Variants in NR6A1 observed in about 807,000 individuals in gnomAD.
NR6A1 encodes the protein nuclear receptor subfamily 6 group A member 1.
Under a neutral mutation model 59.1 loss-of-function variants are expected in NR6A1, and 7 were observed. That is an observed-to-expected ratio of 0.12 (90% CI 0.07 to 0.22). The LOEUF is 0.22. Among genes scored for constraint, NR6A1 ranks in the 10% least tolerant of loss-of-function variants. NR6A1 has a pLI of 1.00. For synonymous variants in NR6A1, 243 were observed against 236.1 expected, an observed-to-expected ratio of 1.03 and a Z score of -0.27; for missense variants, 468 against 611.6, an observed-to-expected ratio of 0.77 and a Z score of 2.48.
intron 2 of NR6A1, among the ~76,000 whole-genome samples, chr9:124,656,106 T>C (rs2130930346): frequency 6.6e-6 from 1 of 152,252 alleles, no homozygotes; most frequent in African/African-American, 2.4e-5. Flanking sequence ...TATAACTCCC[T>C]GCAAAAGCTG....
At chr9:124,721,253 C>A (rs1839554590) in intron 2 of NR6A1, among the ~76,000 whole-genome samples, 1 of 152,196 alleles carries the variant, frequency 6.6e-6, no homozygotes, top group Admixed American at 6.5e-5. Flanking sequence ...GTGCTAAACT[C>A]TCGGCTCCAT....
chr9:124,658,261 G>C (rs757056593), intron 2 of NR6A1, among the ~76,000 whole-genome samples: 1 of 152,038 alleles, frequency 6.6e-6, no homozygotes, highest in African/African-American at 2.4e-5. Context: ...CCTGAATTAC[G>C]GCCTCTGAAT....
rs773291506 is a variant in NR6A1, at chr9:124,520,794, C to A, written c.*1911G>T. The A allele has an allele frequency of 6.6e-6, 1 of 152,184 alleles. No individual in the cohort carries two copies. The highest frequency in any genetic ancestry group is 2.1e-4 in the South Asian group (1 of 4,830). The allele number at this position is 152,184 out of a possible 1,614,324, so 9.4% of individuals were successfully genotyped here. A position where few individuals can be genotyped will look rare whatever the true frequency, so the allele number is the denominator to read the frequency against. ...AAATAAACAGATACACACGAACACA[C>A]AAGAATCTTCCCACTGACGTGAAAA... is the stretch of plus-strand genomic sequence containing the variant. On this transcript the variant is annotated 3_prime_UTR_variant, in exon 10 of 10. Transcript: ENST00000487099.
At chr9:124,599,437 G>A (rs1835383472) in intron 2 of NR6A1, 2 of 382,738 alleles carry the variant, frequency 5.2e-6, no homozygotes, top group South Asian at 2.1e-5. Context: ...AAAAAAAAAA[G>A]TTCCTCTTCA....
intron 1 of NR6A1, among the ~76,000 whole-genome samples, chr9:124,745,651 A>G (rs1479445685): frequency 6.7e-6 from 1 of 149,956 alleles, no homozygotes; most frequent in East Asian, 2.0e-4. Context: ...AGCCTGGGCA[A>G]CAAGAGTGAA....
At position 124,567,686 on chromosome 9, in the gene NR6A1, G is replaced by C. The variant is rs185601990; in HGVS notation, c.143-13116C>G. On this transcript the variant is annotated intron_variant, in intron 2 of 9. Coordinates refer to ENST00000487099, the MANE Select transcript of NR6A1 (RefSeq NM_033334.4). The stretch of plus-strand genomic sequence containing the variant: ...TATTGAGAACCACTTTGGTGAACTA[G>C]TTAGGACAAAAACCATACTGACTTA... 9.9e-5 allele frequency among the ~76,000 whole-genome samples: 15 copies of C among 152,262 alleles called. No homozygotes were observed. The East Asian group carries it at 2.9e-3, about 29-fold the overall frequency.
chr9:124,697,982 G>C (rs1431742071), intron 2 of NR6A1, among the ~76,000 whole-genome samples: 1 of 152,216 alleles, frequency 6.6e-6, no homozygotes, highest in Non-Finnish European at 1.5e-5. Flanking sequence ...TAGTGTATGT[G>C]CATGTGTTGT....
chr9:124,700,127 G>C (rs1437660106), intron 2 of NR6A1, among the ~76,000 whole-genome samples: 4 of 152,036 alleles, frequency 2.6e-5, no homozygotes, highest in Non-Finnish European at 2.9e-5. Context: ...TAGGATTACA[G>C]GTGTGAGTCA....
chr9:124,715,244 T>C (rs932155107), intron 2 of NR6A1, among the ~76,000 whole-genome samples: 17 of 151,070 alleles, frequency 1.1e-4, no homozygotes, highest in African/African-American at 3.6e-4. Context: ...TATTATTGAC[T>C]GGGTATGGTG....
intron 4 of NR6A1, among the ~76,000 whole-genome samples, chr9:124,542,206 C>A (rs570415308): frequency 6.6e-6 from 1 of 152,244 alleles, no homozygotes; most frequent in African/African-American, 2.4e-5. Context: ...AAAAGAGCAG[C>A]TATTAGTCCA....
At chr9:124,540,003 T>A (rs779758330) in intron 5 of NR6A1, 30 bp downstream of exon 5, 8 of 1,571,212 alleles carry the variant, frequency 5.1e-6, no homozygotes, top group East Asian at 4.6e-5. Context: ...GATCCCTAGA[T>A]GATGACCATG....
chr9:124,742,036 G>A (rs1315680128), intron 1 of NR6A1, among the ~76,000 whole-genome samples: 1 of 152,130 alleles, frequency 6.6e-6, no homozygotes, highest in Non-Finnish European at 1.5e-5. Flanking sequence ...TAAATAGAGA[G>A]AAAAAACAGA....
At chr9:124,726,861 A>G (rs1175293664) in intron 2 of NR6A1, among the ~76,000 whole-genome samples, 1 of 152,228 alleles carries the variant, frequency 6.6e-6, no homozygotes, top group East Asian at 1.9e-4. Context: ...AGTGTTAAAA[A>G]CTTTTTGCTC....
intron 7 of NR6A1, among the ~76,000 whole-genome samples, chr9:124,530,166 T>C (rs949234463): frequency 6.6e-6 from 1 of 152,138 alleles, no homozygotes; most frequent in Non-Finnish European, 1.5e-5. Context: ...AGTTCCCAAG[T>C]GCCTGGCCTG....
At chr9:124,728,778 T>C (rs1336164524) in intron 2 of NR6A1, among the ~76,000 whole-genome samples, 1 of 152,222 alleles carries the variant, frequency 6.6e-6, no homozygotes, top group Non-Finnish European at 1.5e-5. Context: ...CACCAATCAC[T>C]AAGACTGCTT....
Position 124,647,825 on chromosome 9 carries a change from T to C in NR6A1, c.142+85483A>G, listed in dbSNP as rs747798703. ...GCAAGAAAGAGGCAGTAATAAAAAG[T>C]TTCCCATCAAAGAAAAGCCCAGGAC... On this transcript the variant is annotated intron_variant, in intron 2 of 9. Transcript: ENST00000487099. 2.0e-5 allele frequency among the ~76,000 whole-genome samples: 3 copies of C among 151,414 alleles called. No homozygotes were observed. In the South Asian group the frequency reaches 6.3e-4, roughly 32 times the overall value.
intron 2 of NR6A1, among the ~76,000 whole-genome samples, chr9:124,713,641 T>C (rs2131077200): frequency 6.6e-6 from 1 of 152,326 alleles, no homozygotes; most frequent in South Asian, 2.1e-4. Context: ...CATGAAAAGA[T>C]GCTCAATATC....
chr9:124,644,303 C>T (rs138081596), intron 2 of NR6A1, among the ~76,000 whole-genome samples: 1,365 of 87,200 alleles, frequency 0.016, 26 homozygotes, highest in African/African-American at 0.058. Context: ...GACATGGTTT[C>T]GCTCTATTGC....
At chr9:124,525,699 C>CTG (rs1554724041) in intron 8 of NR6A1, among the ~76,000 whole-genome samples, 11 of 147,246 alleles carry the variant, frequency 7.5e-5, no homozygotes, top group African/African-American at 2.8e-4. Context: ...CTCTCTCTCT[C>CTG]TATATATATA....
Sources: gnomAD v4.1 joint callset for allele counts (sites outside exome capture counted in the v4.1 genomes callset) on GRCh38, gnomAD v4.1.1 for gene constraint, MANE v1.5 for transcripts, NCBI Gene and HGNC (gene_info 2026-07-23, HGNC 2026-07-21) for gene names.